Variants in MYO6 observed in about 807,000 individuals in gnomAD.
The protein encoded by MYO6 is myosin VI, also known as unconventional myosin-VI.
Under a neutral mutation model 178.7 loss-of-function variants are expected in MYO6, and 74 were observed. The ratio of observed to expected loss-of-function variants is 0.41; its 90% confidence interval spans 0.34 to 0.50. The LOEUF is 0.50. Among genes scored for constraint, MYO6 ranks in the 20% least tolerant of loss-of-function variants. The pLI, the probability that MYO6 is intolerant of heterozygous loss-of-function variation, is 0.09. For synonymous variants in MYO6, 477 were observed against 504.6 expected, an observed-to-expected ratio of 0.95 and a Z score of 0.73; for missense variants, 1,330 against 1,547.4, an observed-to-expected ratio of 0.86 and a Z score of 2.36.
chr6:75,880,411 GGAA>G (rs1426112901), intron 22 of MYO6, among the ~76,000 whole-genome samples: 3 of 152,178 alleles, frequency 2.0e-5, no homozygotes, highest in African/African-American at 7.2e-5. Context: ...GAGCCACATT[GGAA>G]GAAGAACAGT....
intron 18 of MYO6, among the ~76,000 whole-genome samples, chr6:75,869,070 ATTTTTTTT>A (rs71544072): frequency 5.0e-5 from 3 of 59,900 alleles, no homozygotes; most frequent in South Asian, 7.5e-4. Flanking sequence ...CTTTATCTCC[ATTTTTTTT>A]TTTTTTTTTT....
intron 30 of MYO6, among the ~76,000 whole-genome samples, chr6:75,899,821 G>T (rs1779598708): frequency 6.7e-6 from 1 of 149,620 alleles, no homozygotes; most frequent in Non-Finnish European, 1.5e-5. Context: ...TGCCATGCTG[G>T]TGCGCTGCAC....
chr6:75,849,666 G>T (rs1356133906), intron 11 of MYO6, among the ~76,000 whole-genome samples: 1 of 152,142 alleles, frequency 6.6e-6, no homozygotes, highest in South Asian at 2.1e-4. Context: ...GTGTGGAAGG[G>T]GTCCCGAGTG....
At chr6:75,795,329 G>A (rs917145480) in intron 1 of MYO6, among the ~76,000 whole-genome samples, 1 of 152,094 alleles carries the variant, frequency 6.6e-6, no homozygotes, top group Non-Finnish European at 1.5e-5. Flanking sequence ...TTTTAACTCC[G>A]GGGAAACTGA....
chr6:75,839,008 T>G (rs1306840643), intron 7 of MYO6, among the ~76,000 whole-genome samples: 1 of 151,806 alleles, frequency 6.6e-6, no homozygotes, highest in Non-Finnish European at 1.5e-5. Context: ...ATGAGGGATA[T>G]ATGTTAATAT....
chr6:75,879,240 C>CTTAGT (rs1777815154), intron 20 of MYO6, among the ~76,000 whole-genome samples: 1 of 151,226 alleles, frequency 6.6e-6, no homozygotes, highest in Non-Finnish European at 1.5e-5. Flanking sequence ...TTGATCTTTC[C>CTTAGT]TTAGTTTTGT....
At chr6:75,907,763 A>C (rs1032999865) in intron 31 of MYO6, 55 bp downstream of exon 31, 1 of 1,361,558 alleles carries the variant, frequency 7.3e-7, no homozygotes, top group South Asian at 1.2e-5. Context: ...TAGGTGATAA[A>C]TACCTAGATT....
At chr6:75,770,266 CT>C (rs1252123594) in intron 1 of MYO6, among the ~76,000 whole-genome samples, 1 of 152,200 alleles carries the variant, frequency 6.6e-6, no homozygotes, top group Non-Finnish European at 1.5e-5. Flanking sequence ...AATTGAAACT[CT>C]TTTCTTAAAA....
intron 7 of MYO6, among the ~76,000 whole-genome samples, chr6:75,838,925 G>T (rs780937639): frequency 5.9e-5 from 9 of 151,950 alleles, no homozygotes; most frequent in Non-Finnish European, 1.3e-4. Context: ...CTCCCAAAGT[G>T]CTGGGATTAC....
At chr6:75,887,440 G>A (rs1362782924) in intron 25 of MYO6, among the ~76,000 whole-genome samples, 1 of 151,702 alleles carries the variant, frequency 6.6e-6, no homozygotes, top group Non-Finnish European at 1.5e-5. Context: ...TCAGGAGATC[G>A]AGACCATCAT....
chr6:75,833,832 A>AT (rs1773368560), intron 6 of MYO6, among the ~76,000 whole-genome samples: 1 of 152,226 alleles, frequency 6.6e-6, no homozygotes, highest in Non-Finnish European at 1.5e-5. Context: ...TTCTTTGAGA[A>AT]TTTGAAAAGG....
chr6:75,779,539 A>G (rs1766750626), intron 1 of MYO6, among the ~76,000 whole-genome samples: 1 of 152,216 alleles, frequency 6.6e-6, no homozygotes, highest in Admixed American at 6.5e-5. Flanking sequence ...GTTGTTTTAA[A>G]AAAATGCATT....
intron 23 of MYO6, 60 bp downstream of exon 23, chr6:75,881,878 G>A (rs1778059937): frequency 6.3e-7 from 1 of 1,596,964 alleles, no homozygotes; most frequent in Non-Finnish European, 8.6e-7. Context: ...TTTGTGGAGT[G>A]TTGTAAAGCT....
chr6:75,899,460 T>C (rs1002169563), intron 30 of MYO6, among the ~76,000 whole-genome samples: 1 of 151,990 alleles, frequency 6.6e-6, no homozygotes, highest in African/African-American at 2.4e-5. Flanking sequence ...TATTGATTGG[T>C]AGTTTAGGGA....
chr6:75,802,195 A>G (rs1301804478), intron 1 of MYO6, among the ~76,000 whole-genome samples: 1 of 151,938 alleles, frequency 6.6e-6, no homozygotes, highest in Non-Finnish European at 1.5e-5. Context: ...TTGGCTGGGC[A>G]TGGTGGCTCG....
rs141482083 is a variant in MYO6, at chr6:75,774,297, T to G, written c.-48+24874T>G. Among the ~76,000 whole-genome samples the G allele has an allele frequency of 6.0e-4, 91 of 152,334 alleles. 1 individual carries two copies. Among genetic ancestry groups the G allele is most frequent in the African/African-American group, 1.9e-3 (77 of 41,586 alleles). On this transcript the variant is annotated intron_variant, in intron 1 of 34. Coordinates refer to ENST00000369977, the MANE Select transcript of MYO6 (RefSeq NM_004999.4). Reference sequence around the variant, plus strand: ...GAATGTAATTTAACAGCATGATAGTTAACATTTTTGTACCAAATAGGATTA... The same window carrying G: ...GAATGTAATTTAACAGCATGATAGTGAACATTTTTGTACCAAATAGGATTA...
At position 75,832,826 on chromosome 6, in the gene MYO6, C is replaced by G. The variant is rs764635911; in HGVS notation, c.392-16C>G. The G allele has an allele frequency of 3.3e-6, 5 of 1,516,964 alleles. No individual in the cohort carries two copies. In the African/African-American group the frequency reaches 5.5e-5, roughly 17 times the overall value. The allele number at this position is 1,516,964 out of a possible 1,614,324, so 94.0% of individuals were successfully genotyped here. A position where few individuals can be genotyped will look rare whatever the true frequency, so the allele number is the denominator to read the frequency against. ...TTAATATATTGCTCATCATTAATGT[C>G]TTATTTTGACCCTAGCTGATAAAGC... On this transcript the variant is annotated splice_polypyrimidine_tract_variant and intron_variant, in intron 5 of 34. Transcript: ENST00000369977.
At chr6:75,868,773 A>G (rs941500884) in intron 18 of MYO6, among the ~76,000 whole-genome samples, 16 of 152,156 alleles carry the variant, frequency 1.1e-4, no homozygotes, top group Non-Finnish European at 2.2e-4. Context: ...TCAGTTATCC[A>G]GCATCCCTGG....
intron 19 of MYO6, among the ~76,000 whole-genome samples, chr6:75,872,824 G>A (rs534974233): frequency 6.7e-6 from 1 of 150,156 alleles, no homozygotes; most frequent in South Asian, 2.1e-4. Context: ...CTGTCACCCA[G>A]GCTGGAGTGC....
Sources: gnomAD v4.1 joint callset for allele counts (sites outside exome capture counted in the v4.1 genomes callset) on GRCh38, gnomAD v4.1.1 for gene constraint, MANE v1.5 for transcripts, NCBI Gene and HGNC (gene_info 2026-07-23, HGNC 2026-07-21) for gene names.